The following CACNA1H variants were observed in gnomAD, a reference collection of about 807,000 sequenced individuals.
CACNA1H encodes the protein calcium voltage-gated channel subunit alpha1 H.
In CACNA1H, 149 loss-of-function variants were observed where a neutral mutation model predicts 192.5. The ratio of observed to expected loss-of-function variants is 0.77; its 90% CI spans 0.68 to 0.89. The LOEUF (loss-of-function observed/expected upper bound fraction) is 0.89, where lower values mean the gene tolerates loss of function less well. Among genes scored for constraint, CACNA1H ranks in the 40% least tolerant of loss-of-function variants. The pLI, the probability that CACNA1H is intolerant of heterozygous loss-of-function variation, is 0.00. For missense variants in CACNA1H, 4,257 were observed against 3,423.5 expected, an observed-to-expected ratio of 1.24 and a Z score of -6.08; for synonymous variants, 2,202 against 1,475.2, an observed-to-expected ratio of 1.49 and a Z score of -11.29.
In CACNA1H at chr16:1,153,882, T is replaced by C. The variant is rs1397714230; in HGVS notation, c.145T>C (p.Ser49Pro). ...GGAGCGGGGGTCCGAGCTCGGCGTG[T>C]CACCCTCCGAGAGCCCGGCGGCCGA... ...EAERGSELGV[S>P]PSESPAAERG... Residue 49 changes from serine to proline, a missense_variant, in exon 2 of 35, where the codon TCA becomes CCA. Coordinates refer to ENST00000348261, the MANE Select transcript of CACNA1H (RefSeq NM_021098.3). 3.5e-6 allele frequency: 5 copies of C among 1,420,320 alleles called. No individual in the cohort carries two copies. Among genetic ancestry groups the C allele is most frequent in the Non-Finnish European group, 4.6e-6 (5 of 1,084,644 alleles). The allele number at this position is 1,420,320 out of a possible 1,614,324, so 88.0% of individuals were successfully genotyped here.
At chr16:1,215,911 T>C (rs1023811646) in intron 30 of CACNA1H, among the ~76,000 whole-genome samples, 3 of 152,058 alleles carry the variant, frequency 2.0e-5, no homozygotes, top group African/African-American at 4.8e-5. Flanking sequence ...TGGGTGTGTG[T>C]GGGCACAGGA....
rs553758926 is a variant in CACNA1H at position 1,185,289 on chromosome 16, C to T, written c.300-9683C>T. On this transcript the variant is annotated intron_variant, in intron 2 of 34. Coordinates refer to ENST00000348261, the MANE Select transcript of CACNA1H (RefSeq NM_021098.3). ...CAGGGCTGTTTCCATCACAGGCCAT[C>T]GGGGTCAGTGCCGCTGTGGACACGT... is the stretch of plus-strand genomic sequence containing the variant. Among the ~76,000 whole-genome samples, 12 of 152,318 alleles carry T rather than the reference C, an allele frequency of 7.9e-5. No individual in the cohort carries two copies. The South Asian group carries it at 1.0e-3, about 13-fold the overall frequency.
intron 2 of CACNA1H, among the ~76,000 whole-genome samples, chr16:1,179,285 G>T (rs567479728): frequency 1.3e-5 from 2 of 152,140 alleles, no homozygotes; most frequent in Non-Finnish European, 1.5e-5. Flanking sequence ...GGTAGGGTGA[G>T]TTGGGGGTCC....
chr16:1,203,955 C>A, intron 9 of CACNA1H, 55 bp from the exon 10 acceptor site: 1 of 1,348,190 alleles, frequency 7.4e-7, no homozygotes, highest in Non-Finnish European at 1.0e-6. Context: ...GGTTCCCGGG[C>A]CCTTGTGGCA....
chr16:1,173,884 C>G (rs892154293), intron 2 of CACNA1H, among the ~76,000 whole-genome samples: 1 of 152,160 alleles, frequency 6.6e-6, no homozygotes, highest in Non-Finnish European at 1.5e-5. Context: ...TCACGTGGGG[C>G]TGTGGACATT....
In CACNA1H at chr16:1,199,410, C is replaced by T. The variant is rs1419432909; in HGVS notation, c.803+636C>T. Among the ~76,000 whole-genome samples the T allele has an allele frequency of 7.0e-3, 165 of 23,610 alleles. 45 individuals are homozygous for T. The highest frequency in any genetic ancestry group is 9.3e-3 in the Non-Finnish European group (108 of 11,576). The allele number at this position is 23,610 out of a possible 152,430, so 15.5% of individuals were successfully genotyped here. On this transcript the variant is annotated intron_variant, in intron 6 of 34. Transcript: ENST00000348261. ...CCACGGTGCGGTCGCTGCACATATG[C>T]CCCACCCCCATCATGGCTCCGCCCA...
chr16:1,157,082 C>T (rs1246168703), intron 2 of CACNA1H: 2 of 152,208 alleles, frequency 1.3e-5, no homozygotes. Flanking sequence ...TCCCGGGGTT[C>T]CTGACTCCGC....
rs1567556340 is a variant in CACNA1H, at chr16:1,218,966, C to T, written c.5888-4C>T. 6.5e-7 allele frequency: 1 copy of T among 1,549,800 alleles called. No homozygotes were observed. The highest frequency in any genetic ancestry group is 1.4e-5 in the African/African-American group (1 of 72,996). The stretch of plus-strand genomic sequence containing the variant: ...CTGCCAGCTTAGATTCTTCCCTGCC[C>T]CAGGCTCCGTTGCCTCTGTGCACTC... On this transcript the variant is annotated splice_region_variant and splice_polypyrimidine_tract_variant and intron_variant, in intron 33 of 34. Coordinates refer to ENST00000348261, the MANE Select transcript of CACNA1H (RefSeq NM_021098.3).
chr16:1,205,415 C>A (rs1353282759), intron 11 of CACNA1H, 150 bp downstream of exon 11: 6 of 868,562 alleles, frequency 6.9e-6, no homozygotes, highest in Non-Finnish European at 1.0e-5. Context: ...CTTGGTGACC[C>A]CAGTGGCCCA....
intron 10 of CACNA1H, among the ~76,000 whole-genome samples, chr16:1,204,659 C>T (rs969070260): frequency 4.6e-5 from 7 of 152,324 alleles, no homozygotes; most frequent in South Asian, 2.1e-4. Flanking sequence ...TTCCTGGCCT[C>T]CTCTCTAGAC....
At chr16:1,175,044 G>A (rs868635198) in intron 2 of CACNA1H, among the ~76,000 whole-genome samples, 8 of 151,958 alleles carry the variant, frequency 5.3e-5, no homozygotes, top group Non-Finnish European at 7.4e-5. Context: ...TGGTGGCTCC[G>A]TGTATCAGGA....
chr16:1,198,089 C>T (rs926332773), intron 5 of CACNA1H, among the ~76,000 whole-genome samples: 2 of 152,194 alleles, frequency 1.3e-5, no homozygotes, highest in Admixed American at 6.5e-5. Context: ...GATCCCAGAC[C>T]TGCTGCAGAG....
chr16:1,155,477 G>T (rs552335969), intron 2 of CACNA1H, among the ~76,000 whole-genome samples: 6 of 152,326 alleles, frequency 3.9e-5, no homozygotes, highest in Admixed American at 2.6e-4. Flanking sequence ...GGCGGTGCCA[G>T]CAGGCCATGG....
In CACNA1H at chr16:1,207,357, C is replaced by G. The variant is rs375023370; in HGVS notation, c.2990C>G (p.Ala997Gly). 1 of 1,613,122 alleles carries G rather than the reference C, an allele frequency of 6.2e-7. No individual in the cohort carries two copies. The highest frequency in any genetic ancestry group is 2.2e-5 in the East Asian group (1 of 44,860). Residue 997 changes from alanine to glycine, a missense_variant, in exon 14 of 35, where the codon GCC (alanine) becomes GGC (glycine). Ala to Gly is a moderately conservative substitution (Grantham distance 60). Transcript: ENST00000348261. ...TSSWAALYFVALMTFGNYVLF... is the reference protein window; with the variant it reads ...TSSWAALYFVGLMTFGNYVLF... ...TCCTGGGCCGCCCTCTACTTCGTGGCCCTCATGACCTTCGGCAACTATGTG... is the reference window on the plus strand; with the variant it reads ...TCCTGGGCCGCCCTCTACTTCGTGGGCCTCATGACCTTCGGCAACTATGTG...
intron 2 of CACNA1H, among the ~76,000 whole-genome samples, chr16:1,175,554 C>G (rs1456818659): frequency 6.6e-6 from 1 of 152,228 alleles, no homozygotes; most frequent in Non-Finnish European, 1.5e-5. Context: ...TCCCCGTCTG[C>G]TCGCCGTGTC....
chr16:1,207,368 T>C lies in CACNA1H; in HGVS notation c.3001T>C (p.Phe1001Leu). ...CCTCTACTTCGTGGCCCTCATGACC[T>C]TCGGCAACTATGTGCTCTTCAACCT... ...AALYFVALMTFGNYVLFNLLV... is the reference protein window; with the variant it reads ...AALYFVALMTLGNYVLFNLLV... The change falls in exon 14 of 35, where the codon TTC becomes CTC. Residue 1001 changes from phenylalanine to leucine, a missense_variant. Phe to Leu is a conservative substitution (Grantham distance 22). Transcript: ENST00000348261. The C allele has an allele frequency of 6.2e-7, 1 of 1,613,238 alleles. No individual in the cohort carries two copies. Among genetic ancestry groups the C allele is most frequent in the Non-Finnish European group, 8.5e-7 (1 of 1,179,812 alleles).
chr16:1,164,421 C>G (rs149257404), intron 2 of CACNA1H, among the ~76,000 whole-genome samples: 1 of 152,304 alleles, frequency 6.6e-6, no homozygotes, highest in East Asian at 1.9e-4. Flanking sequence ...CCACCTCGAT[C>G]TCCTGGTTCA....
chr16:1,170,424 G>T (rs78464638), intron 2 of CACNA1H, among the ~76,000 whole-genome samples: 1 of 152,166 alleles, frequency 6.6e-6, no homozygotes, highest in African/African-American at 2.4e-5. Context: ...ATGGTTTCCC[G>T]TAAAAGAGAC....
At chr16:1,182,898 C>T (rs1567470138) in intron 2 of CACNA1H, among the ~76,000 whole-genome samples, 3 of 152,106 alleles carry the variant, frequency 2.0e-5, no homozygotes, top group South Asian at 2.1e-4. Flanking sequence ...CTGGGCCCAA[C>T]CTGAGAGCTC....
Sources: gnomAD v4.1 joint callset for allele counts (sites outside exome capture counted in the v4.1 genomes callset) on GRCh38, gnomAD v4.1.1 for gene constraint, MANE v1.5 for transcripts, NCBI Gene and HGNC (gene_info 2026-07-23, HGNC 2026-07-21) for gene names.